Variants in EXTL3 observed in about 807,000 individuals in gnomAD.
The protein encoded by EXTL3 is exostosin-like 3.
EXTL3 carries 27 observed loss-of-function variants against 69.3 expected under a neutral mutation model. That is an observed-to-expected ratio of 0.39 (90% CI 0.29 to 0.54). The LOEUF is 0.54. EXTL3 is among the 20% of genes least tolerant of loss of function. EXTL3 has a pLI of 0.69. For synonymous variants in EXTL3, 511 were observed against 499.4 expected, an observed-to-expected ratio of 1.02 and a Z score of -0.31; for missense variants, 1,003 against 1,231.8, an observed-to-expected ratio of 0.81 and a Z score of 2.78.
At chr8:28,713,903 C>CTTTCT (rs1801083161) in intron 2 of EXTL3, among the ~76,000 whole-genome samples, 1 of 113,780 alleles carries the variant, frequency 8.8e-6, no homozygotes, top group African/African-American at 3.5e-5. Context: ...TTCTTTCTTT[C>CTTTCT]TTTTTTTTTT....
At chr8:28,617,907 A>G (rs1432870573), upstream of EXTL3, among the ~76,000 whole-genome samples, 3 of 152,246 alleles carry the variant, frequency 2.0e-5, no homozygotes, top group East Asian at 5.8e-4. Context: ...CAAATATTGC[A>G]CGATTCCATT....
upstream of EXTL3, chr8:28,622,655 T>G (rs1585218014): frequency 5.4e-5 from 3 of 55,940 alleles, no homozygotes; most frequent in Admixed American, 2.2e-4. Flanking sequence ...GGGCAGTGGG[T>G]GGGACCGGGA....
Position 28,718,192 on chromosome 8 carries a change from T to G in EXTL3, c.2133T>G (p.Ile711Met). 1.2e-6 allele frequency: 2 copies of G among 1,614,120 alleles called. No homozygotes were observed. Among genetic ancestry groups the G allele is most frequent in the South Asian group, 1.1e-5 (1 of 91,080 alleles). ...CAGAGGACCTTCTGTGGCCTGACAT[T>G]GGCGTCCCCATCATGGTAATAGAGA... Reference protein sequence around the residue: ...LPSEDLLWPDIGVPIMVVRTE... With the variant: ...LPSEDLLWPDMGVPIMVVRTE... The change falls in exon 3 of 7, where the codon ATT (isoleucine) becomes ATG (methionine). Residue 711 changes from isoleucine (I) to methionine (M), a missense_variant. This residue lies in a region of EXTL3 where 261 missense variants were observed against 416.4 expected (regional missense o/e 0.63). Transcript: ENST00000220562.
chr8:28,724,228 G>A (rs1481485799), intron 3 of EXTL3, among the ~76,000 whole-genome samples: 1 of 152,028 alleles, frequency 6.6e-6, no homozygotes, highest in Non-Finnish European at 1.5e-5. Flanking sequence ...CTCATTTGTT[G>A]ACCTGCTAAC....
chr8:28,743,318 G>A, intron 6 of EXTL3, 104 bp downstream of exon 6: 1 of 1,290,586 alleles, frequency 7.7e-7, no homozygotes, highest in Admixed American at 1.7e-5. Context: ...GTCCTCATTT[G>A]TACAATAGGG....
At chr8:28,646,247 C>T (rs1420561318) in intron 1 of EXTL3, among the ~76,000 whole-genome samples, 2 of 152,154 alleles carry the variant, frequency 1.3e-5, no homozygotes, top group Non-Finnish European at 2.9e-5. Context: ...CAGAAGTAAT[C>T]AATTACAAAT....
intron 1 of EXTL3, among the ~76,000 whole-genome samples, chr8:28,692,839 A>G (rs1800634233): frequency 1.3e-5 from 2 of 152,210 alleles, no homozygotes; most frequent in Admixed American, 1.3e-4. Flanking sequence ...CTGTATATAA[A>G]TGTGACACTG....
chr8:28,732,647 A>G (rs1801562777), intron 4 of EXTL3, among the ~76,000 whole-genome samples: 1 of 152,212 alleles, frequency 6.6e-6, no homozygotes, highest in Non-Finnish European at 1.5e-5. Flanking sequence ...GAACTGTACA[A>G]CGATGCATGG....
At chr8:28,746,905 ACCTCGTGATCTGCCCGCCTTGGCCTC>A (rs1169485146) in intron 6 of EXTL3, among the ~76,000 whole-genome samples, 2 of 152,062 alleles carry the variant, frequency 1.3e-5, no homozygotes, top group African/African-American at 4.8e-5. Context: ...CGATCTCTTG[ACCTCGTGATCTGCCCGCCTTGGCCTC>A]CCAAAGTGCT....
rs982377691 is a variant in EXTL3, at chr8:28,686,496, C to A, written c.-52-26961C>A. On this transcript the variant is annotated intron_variant, in intron 1 of 6. Coordinates refer to the EXTL3 transcript ENST00000523149. ...GGCTCTTCATGTGTGGAGATTAAGC[C>A]CGTATGTACATGAAGTGGCTGGCAA... is the stretch of plus-strand genomic sequence containing the variant. 1.1e-4 allele frequency among the ~76,000 whole-genome samples: 16 copies of A among 151,978 alleles called. No homozygotes were observed. The East Asian group carries it at 2.9e-3, about 28-fold the overall frequency.
At chr8:28,747,971 G>A (rs1458656193) in intron 6 of EXTL3, among the ~76,000 whole-genome samples, 4 of 152,062 alleles carry the variant, frequency 2.6e-5, no homozygotes, top group South Asian at 2.1e-4. Flanking sequence ...CAAGTGATCC[G>A]CCCACCTTGG....
chr8:28,670,536 G>A (rs543922050), intron 1 of EXTL3, among the ~76,000 whole-genome samples: 11 of 152,294 alleles, frequency 7.2e-5, no homozygotes, highest in African/African-American at 1.2e-4. Flanking sequence ...TGATGTGTCC[G>A]TGCAAGTCTG....
chr8:28,717,231 T>C lies in EXTL3; in HGVS notation c.1172T>C (p.Leu391Pro). Residue 391 changes from leucine (L) to proline (P), a missense_variant, in exon 3 of 7, where the codon CTG (leucine) becomes CCG (proline). By Grantham distance (98) the Leu-to-Pro change is moderately conservative. Transcript: ENST00000220562. This position sits in a 1 kb window ranked among gnomAD's most constrained non-coding sequence, Gnocchi z 8.3. ...ATLKAVQDSK[L>P]DQVLVEFTCK... ...CTGAAGGCGGTGCAGGACAGCAAGC[T>C]GGATCAGGTCCTGGTGGAATTCACC... 1.2e-6 allele frequency: 2 copies of C among 1,614,206 alleles called. No homozygotes were observed. Among genetic ancestry groups the C allele is most frequent in the Non-Finnish European group, 1.7e-6 (2 of 1,180,038 alleles).
intron 1 of EXTL3, among the ~76,000 whole-genome samples, chr8:28,652,587 G>T (rs191265364): frequency 6.6e-6 from 1 of 152,162 alleles, no homozygotes; most frequent in African/African-American, 2.4e-5. Context: ...CCAGGAGGTG[G>T]AGGCTGCAGT....
At chr8:28,744,262 G>C (rs887088985) in intron 6 of EXTL3, among the ~76,000 whole-genome samples, 4 of 152,212 alleles carry the variant, frequency 2.6e-5, no homozygotes, top group Non-Finnish European at 4.4e-5. Flanking sequence ...CCTTAGAAGG[G>C]TCAACAAACT....
chr8:28,655,411 G>A (rs535841458), intron 1 of EXTL3, among the ~76,000 whole-genome samples: 11 of 152,104 alleles, frequency 7.2e-5, no homozygotes, highest in Non-Finnish European at 1.0e-4. Flanking sequence ...CATTTAAGCC[G>A]GAACGATCTG....
Position 28,751,659 on chromosome 8 carries a change from A to AT in EXTL3, c.*793_*794insT, listed in dbSNP as rs1216964974. On this transcript the variant is annotated 3_prime_UTR_variant, in exon 7 of 7. Coordinates refer to ENST00000220562, the MANE Select transcript of EXTL3 (RefSeq NM_001440.4). ...ATCTTTAGGCCAGGCTTGCCTCCGT[A>AT]CTTATCCCTGCTCTCCCATTTCTCT... The AT allele has an allele frequency of 8.3e-3, 1,257 of 152,334 alleles. 21 individuals carry two copies. The highest frequency in any genetic ancestry group is 0.029 in the African/African-American group (1,194 of 41,562). The allele number at this position is 152,334 out of a possible 1,614,324, so 9.4% of individuals were successfully genotyped here.
chr8:28,675,215 T>A (rs1179160211), intron 1 of EXTL3, among the ~76,000 whole-genome samples: 2 of 152,088 alleles, frequency 1.3e-5, no homozygotes, highest in African/African-American at 4.8e-5. Context: ...GATTTAGAAA[T>A]AAGAGATTCC....
chr8:28,644,296 GTTTTTCTT>G (rs2130590426), intron 1 of EXTL3, among the ~76,000 whole-genome samples: 1 of 152,166 alleles, frequency 6.6e-6, no homozygotes, highest in African/African-American at 2.4e-5. Context: ...GACGTTTCAA[GTTTTTCTT>G]TTTTTCTTTT....
Sources: allele counts gnomAD v4.1 joint callset (sites outside exome capture counted in the v4.1 genomes callset), GRCh38; gene constraint gnomAD v4.1.1; regional missense constraint gnomAD v4.1.1; non-coding constraint Gnocchi (gnomAD v3.1); transcripts MANE v1.5; gene names NCBI Gene and HGNC (gene_info 2026-07-23, HGNC 2026-07-21).